Variants in KLHL42 observed in about 807,000 individuals in gnomAD.
KLHL42 encodes kelch like family member 42.
KLHL42 carries 27 observed loss-of-function variants against 32.7 expected under a neutral mutation model. That is an observed-to-expected ratio of 0.83 (90% CI 0.61 to 1.14). The LOEUF (loss-of-function observed/expected upper bound fraction) is 1.14. Ranked by LOEUF, KLHL42 falls within the 50% of genes most tolerant of loss-of-function variation. KLHL42 has a pLI of 0.00. For missense variants in KLHL42, 491 were observed against 560.8 expected, an observed-to-expected ratio of 0.88 and a Z score of 1.26; for synonymous variants, 267 against 248.2, an observed-to-expected ratio of 1.08 and a Z score of -0.71.
At chr12:27,789,658 G>C (rs1348462677) in intron 1 of KLHL42, among the ~76,000 whole-genome samples, 4 of 152,160 alleles carry the variant, frequency 2.6e-5, no homozygotes, top group Admixed American at 2.6e-4. Flanking sequence ...TTTAGTGCTT[G>C]TTTACAAGCT....
intron 1 of KLHL42, 120 bp from the exon 2 acceptor site, chr12:27,791,588 C>A: frequency 2.3e-6 from 2 of 854,620 alleles, no homozygotes; most frequent in Non-Finnish European, 3.8e-6. Flanking sequence ...GCGGAATGGC[C>A]CCCAACTGGG....
chr12:27,798,260 G>C lies in KLHL42; in HGVS notation c.*94G>C. 1 of 675,786 alleles carries C rather than the reference G, an allele frequency of 1.5e-6. No individual in the cohort carries two copies. The allele number at this position is 675,786 out of a possible 1,614,324, so 41.9% of individuals were successfully genotyped here. The stretch of plus-strand genomic sequence containing the variant: ...GGGAGACCAATTCCTAAAGGGTAAA[G>C]AAGGGTTAAAGTAGGTCACATATAT... On this transcript the variant is annotated 3_prime_UTR_variant, in exon 3 of 3. Transcript: ENST00000381271.
chr12:27,793,216 G>C (rs935928970), intron 2 of KLHL42, among the ~76,000 whole-genome samples: 6 of 151,756 alleles, frequency 4.0e-5, no homozygotes, highest in Non-Finnish European at 7.4e-5. Context: ...GGACAGGCCT[G>C]GGCAACATAG....
intron 1 of KLHL42, chr12:27,787,494 CAAA>C (rs552199790): frequency 5.7e-4 from 65 of 113,448 alleles, no homozygotes; most frequent in Non-Finnish European, 7.9e-4. Context: ...GACTTTGTCT[CAAA>C]AAAAAAAAAA....
At chr12:27,797,385 C>T (rs1383790512) in intron 2 of KLHL42, 1 of 496,642 alleles carries the variant, frequency 2.0e-6, no homozygotes, top group African/African-American at 1.9e-5. Context: ...TTCTGAGGCA[C>T]TTACTTTTTT....
Position 27,801,146 on chromosome 12 carries a change from A to G in KLHL42, c.*2980A>G, listed in dbSNP as rs752981205. On this transcript the variant is annotated 3_prime_UTR_variant, in exon 3 of 3. Coordinates refer to ENST00000381271, the MANE Select transcript of KLHL42 (RefSeq NM_020782.2). ...GCTGAGAAGGTTATGGGTACCAGGAAGAAACAAACAGAAGTCTTAAGATTA... is the reference window on the plus strand; with the variant it reads ...GCTGAGAAGGTTATGGGTACCAGGAGGAAACAAACAGAAGTCTTAAGATTA... 6.6e-6 allele frequency: 1 copy of G among 152,668 alleles called. No individual in the cohort carries two copies. The highest frequency in any genetic ancestry group is 2.4e-5 in the African/African-American group (1 of 41,462). The allele number at this position is 152,668 out of a possible 1,614,324, so 9.5% of individuals were successfully genotyped here.
At position 27,799,018 on chromosome 12, in the gene KLHL42, G is replaced by GA. The variant is rs1329396036; in HGVS notation, c.*859dup. ...GGGAAGGGAAGAAAACACCAAATAA[G>GA]AAAAAAATTTGCCTTTAAGAGTTAC... On this transcript the variant is annotated 3_prime_UTR_variant, in exon 3 of 3. Coordinates refer to ENST00000381271, the MANE Select transcript of KLHL42 (RefSeq NM_020782.2). 6.6e-6 allele frequency: 1 copy of GA among 152,440 alleles called. No homozygotes were observed. Among genetic ancestry groups the GA allele is most frequent in the African/African-American group, 2.4e-5 (1 of 41,380 alleles). The allele number at this position is 152,440 out of a possible 1,614,324, so 9.4% of individuals were successfully genotyped here.
Position 27,780,995 on chromosome 12 carries a change from A to G in KLHL42, c.665A>G (p.Tyr222Cys). ...YQGEPPSMLR[Y>C]EEMTERWFPL... ...GGGGAGCCCCCGTCCATGCTCAGGT[A>G]CGAGGAGATGACTGAGCGTTGGTTC... Residue 222 changes from tyrosine to cysteine, a missense_variant, in exon 1 of 3, where the codon TAC becomes TGC. Tyr to Cys is a radical substitution (Grantham distance 194). Transcript: ENST00000381271. This position sits in a 1 kb window ranked among gnomAD's most constrained non-coding sequence, Gnocchi z 8.8. 6.2e-7 allele frequency: 1 copy of G among 1,608,060 alleles called. No homozygotes were observed. The highest frequency in any genetic ancestry group is 8.5e-7 in the Non-Finnish European group (1 of 1,176,232).
At chr12:27,793,017 T>C (rs892474224) in intron 2 of KLHL42, among the ~76,000 whole-genome samples, 2 of 152,208 alleles carry the variant, frequency 1.3e-5, no homozygotes, top group African/African-American at 4.8e-5. Context: ...CTCAAAGTGC[T>C]GGGATTACAG....
chr12:27,801,067 T>A lies in KLHL42; in HGVS notation c.*2901T>A, dbSNP rs2062245238. ...ATCCTTTAAAAGGTTTTCTGATGAA[T>A]GTGTGAAAGAGTTGATTATTTCAAC... On this transcript the variant is annotated 3_prime_UTR_variant, in exon 3 of 3. Coordinates refer to ENST00000381271, the MANE Select transcript of KLHL42 (RefSeq NM_020782.2). 1 of 152,602 alleles carries A rather than the reference T, an allele frequency of 6.6e-6. No homozygotes were observed. Among genetic ancestry groups the A allele is most frequent in the South Asian group, 2.1e-4 (1 of 4,820 alleles). 9.5% of individuals were successfully genotyped at this position (152,602 alleles called of 1,614,324 possible). A position where few individuals can be genotyped will look rare whatever the true frequency, so the allele number is the denominator to read the frequency against.
intron 1 of KLHL42, among the ~76,000 whole-genome samples, chr12:27,785,433 T>C (rs888734168): frequency 1.3e-5 from 2 of 152,202 alleles, no homozygotes; most frequent in Non-Finnish European, 2.9e-5. Flanking sequence ...GGTCTTGAAC[T>C]CCTGGCCTCA....
At chr12:27,785,036 C>T (rs2062165807) in intron 1 of KLHL42, among the ~76,000 whole-genome samples, 1 of 152,066 alleles carries the variant, frequency 6.6e-6, no homozygotes, top group African/African-American at 2.4e-5. Context: ...AAAATAAGAT[C>T]CCAAAGTGAC....
chr12:27,786,890 T>A (rs958461776), intron 1 of KLHL42, among the ~76,000 whole-genome samples: 2 of 150,808 alleles, frequency 1.3e-5, no homozygotes, highest in East Asian at 2.0e-4. Context: ...GCCTGGCTAA[T>A]TTTTTTTTGT....
At chr12:27,781,881 A>C (rs1200794704) in intron 1 of KLHL42, among the ~76,000 whole-genome samples, 1 of 152,146 alleles carries the variant, frequency 6.6e-6, no homozygotes, top group African/African-American at 2.4e-5. Flanking sequence ...TCCTGCCTCC[A>C]ACAAGGGTGA....
chr12:27,797,485 A>G, intron 2 of KLHL42: 1 of 577,822 alleles, frequency 1.7e-6, no homozygotes. Flanking sequence ...GGTTTTATCC[A>G]GTCTGAGTCT....
chr12:27,785,418 A>G (rs1455101858), intron 1 of KLHL42, among the ~76,000 whole-genome samples: 1 of 152,178 alleles, frequency 6.6e-6, no homozygotes. Context: ...TATGTTACCC[A>G]GGCTGGTCTT....
rs1336420786 is a variant in KLHL42, at chr12:27,801,527, ATAAG to A, written c.*3364_*3367del. The A allele has an allele frequency of 6.6e-6, 1 of 152,238 alleles. No homozygotes were observed. Among genetic ancestry groups the A allele is most frequent in the Non-Finnish European group, 1.5e-5 (1 of 68,048 alleles). The allele number at this position is 152,238 out of a possible 1,614,324, so 9.4% of individuals were successfully genotyped here. On this transcript the variant is annotated 3_prime_UTR_variant, in exon 3 of 3. Coordinates refer to ENST00000381271, the MANE Select transcript of KLHL42 (RefSeq NM_020782.2). ...GGCAGCATAGCAATGTAAAAGGAAT[ATAAG>A]TAGGTGTTGGATGCCTTTTTCCTAG...
chr12:27,793,268 G>A (rs1293109303), intron 2 of KLHL42, among the ~76,000 whole-genome samples: 1 of 151,884 alleles, frequency 6.6e-6, no homozygotes, highest in African/African-American at 2.4e-5. Context: ...AGCTGGATGT[G>A]GTGTCATGTA....
chr12:27,788,504 T>A (rs758658554), intron 1 of KLHL42, among the ~76,000 whole-genome samples: 3 of 152,218 alleles, frequency 2.0e-5, no homozygotes, highest in Non-Finnish European at 4.4e-5. Flanking sequence ...GAGATCTGCG[T>A]GCTGGTGTTA....
Sources: gnomAD v4.1 joint callset for allele counts (sites outside exome capture counted in the v4.1 genomes callset) on GRCh38, gnomAD v4.1.1 for gene constraint, Gnocchi (gnomAD v3.1) non-coding constraint, MANE v1.5 for transcripts, NCBI Gene and HGNC (gene_info 2026-07-23, HGNC 2026-07-21) for gene names.